ERCC4: variants seen among roughly 807,000 people sequenced by gnomAD.
ERCC4 encodes the protein ERCC excision repair 4, endonuclease catalytic subunit.
A neutral mutation model predicts 76.9 loss-of-function variants in ERCC4; 65 were observed. That is an observed-to-expected ratio of 0.84 (90% CI 0.69 to 1.04). The LOEUF is 1.04. ERCC4 is among the 50% of genes least tolerant of loss of function. The probability of loss-of-function intolerance (pLI) is 0.00; values close to 1 mark genes in which losing one functional copy is unlikely to be tolerated. For missense variants in ERCC4, 1,214 were observed against 1,128.2 expected, an observed-to-expected ratio of 1.08 and a Z score of -1.09; for synonymous variants, 463 against 410.1, an observed-to-expected ratio of 1.13 and a Z score of -1.56.
intron 3 of ERCC4, among the ~76,000 whole-genome samples, chr16:13,927,225 T>C (rs1296746688): frequency 2.0e-5 from 3 of 152,242 alleles, no homozygotes; most frequent in Non-Finnish European, 4.4e-5. Context: ...TTTTGCAACC[T>C]ATGCTACCAT....
Position 13,950,703 on chromosome 16 carries a change from TG to T in ERCC4, c.*2358del, listed in dbSNP as rs1301656465. The stretch of plus-strand genomic sequence containing the variant: ...TTCTAGCACTTCTGCTTGCAGTATG[TG>T]GTTTCTATTTTTTTCCTCTTGTATA... On this transcript the variant is annotated 3_prime_UTR_variant, in exon 11 of 11. Transcript: ENST00000311895. 5.2e-6 allele frequency: 1 copy of T among 193,704 alleles called. No individual in the cohort carries two copies. The highest frequency in any genetic ancestry group is 2.3e-5 in the African/African-American group (1 of 43,176). The allele number at this position is 193,704 out of a possible 1,614,324, so 12.0% of individuals were successfully genotyped here. A position where few individuals can be genotyped will look rare whatever the true frequency, so the allele number is the denominator to read the frequency against.
intron 10 of ERCC4, among the ~76,000 whole-genome samples, chr16:13,946,265 G>A (rs2032510882): frequency 6.6e-6 from 1 of 152,146 alleles, no homozygotes; most frequent in African/African-American, 2.4e-5. Flanking sequence ...GTGTCATTAG[G>A]CGATTTCATC....
At chr16:13,946,883 C>T (rs186461065) in intron 10 of ERCC4, among the ~76,000 whole-genome samples, 19 of 152,246 alleles carry the variant, frequency 1.2e-4, no homozygotes, top group East Asian at 9.6e-4. Flanking sequence ...GCCACAGCCT[C>T]CCGAGTAGCT....
rs1327038785 is a variant in ERCC4, at chr16:13,950,401, G to A, written c.*2054G>A. Reference sequence around the variant, plus strand: ...ATGAATTGAGGGGTATCAAGAACCAGATTGGTTACAGTAGAACTCTGTAAG... The same window carrying A: ...ATGAATTGAGGGGTATCAAGAACCAAATTGGTTACAGTAGAACTCTGTAAG... On this transcript the variant is annotated 3_prime_UTR_variant, in exon 11 of 11. Coordinates refer to ENST00000311895, the MANE Select transcript of ERCC4 (RefSeq NM_005236.3). 4 of 186,998 alleles carry A rather than the reference G, an allele frequency of 2.1e-5. No individual in the cohort carries two copies. The highest frequency in any genetic ancestry group is 1.9e-4 in the Admixed American group (3 of 16,114). 11.6% of individuals were successfully genotyped at this position (186,998 alleles called of 1,614,324 possible). A position where few individuals can be genotyped will look rare whatever the true frequency, so the allele number is the denominator to read the frequency against.
chr16:13,922,500 G>T (rs1384349247), intron 2 of ERCC4: 5 of 747,432 alleles, frequency 6.7e-6, no homozygotes, highest in Non-Finnish European at 1.2e-5. Context: ...GCACATAGGC[G>T]TCGAAGATGC....
chr16:13,923,608 C>G (rs3136066), intron 2 of ERCC4, among the ~76,000 whole-genome samples: 3,525 of 152,210 alleles, frequency 0.023, 56 homozygotes, highest in Non-Finnish European at 0.035. Context: ...ATGCTAACAC[C>G]CTGCTTACAA....
Position 13,934,232 on chromosome 16 carries a change from G to T in ERCC4, c.1143G>T (p.Trp381Cys). Residue 381 changes from tryptophan (W) to cysteine (C), a missense_variant, in exon 7 of 11, where the codon TGG becomes TGT. Transcript: ENST00000311895. ...TGGTCCTAGAAAGCAACCCAAAGTG[G>T]GAGGCACTGACTGAAGTATTAAAAG... ...KELVLESNPKWEALTEVLKEI... is the reference protein window; with the variant it reads ...KELVLESNPKCEALTEVLKEI... 6.2e-7 allele frequency: 1 copy of T among 1,613,182 alleles called. No individual in the cohort carries two copies. Among genetic ancestry groups the T allele is most frequent in the Middle Eastern group, 1.7e-4 (1 of 6,054 alleles).
intron 1 of ERCC4, among the ~76,000 whole-genome samples, chr16:13,921,057 A>G (rs1200065047): frequency 2.0e-5 from 3 of 152,144 alleles, no homozygotes; most frequent in Admixed American, 6.5e-5. Context: ...GAAGTTGGCC[A>G]TTAAGGGAGT....
At position 13,929,859 on chromosome 16, in the gene ERCC4, G is replaced by C. The variant is rs3136109; in HGVS notation, c.793-851G>C. On this transcript the variant is annotated intron_variant, in intron 4 of 10. Transcript: ENST00000311895. ...AACGCCTGTAGTCCCAGCTACTTGG[G>C]AGGCTGAGGCAGGATAATGGCACGA... 1.1e-3 allele frequency among the ~76,000 whole-genome samples: 175 copies of C among 152,302 alleles called. 1 individual carries two copies. The highest frequency in any genetic ancestry group is 4.0e-3 in the African/African-American group (165 of 41,570).
chr16:13,931,849 G>C lies in ERCC4; in HGVS notation c.974-308G>C, dbSNP rs1387964303. ...AACATTGCAAATATTAAAATAACTT[G>C]CTTTTACGCCATCACTGGAAATGTC... On this transcript the variant is annotated intron_variant, in intron 5 of 10. Transcript: ENST00000311895. 8 of 307,412 alleles carry C rather than the reference G, an allele frequency of 2.6e-5. No individual in the cohort carries two copies. In the South Asian group the frequency reaches 6.5e-4, roughly 25 times the overall value. The allele number at this position is 307,412 out of a possible 1,614,324, so 19.0% of individuals were successfully genotyped here. A position where few individuals can be genotyped will look rare whatever the true frequency, so the allele number is the denominator to read the frequency against.
chr16:13,941,113 G>A (rs2032404834), intron 9 of ERCC4, among the ~76,000 whole-genome samples: 1 of 152,170 alleles, frequency 6.6e-6, no homozygotes, highest in African/African-American at 2.4e-5. Context: ...AAAGGACTCA[G>A]TGACAAGATG....
chr16:13,935,687 A>C lies in ERCC4; in HGVS notation c.1755A>C (p.Leu585=). Residue 585 remains leucine, a synonymous_variant, in exon 8 of 11, where the codon CTA becomes CTC. Coordinates refer to ENST00000311895, the MANE Select transcript of ERCC4 (RefSeq NM_005236.3). ...PRYVVLYDAE[L]TFVRQLEIYR... ...ACGTGGTTCTTTATGACGCAGAGCT[A>C]ACCTTTGTTCGGCAGCTTGAAATTT... 6.2e-7 allele frequency: 1 copy of C among 1,614,192 alleles called. No individual in the cohort carries two copies. Among genetic ancestry groups the C allele is most frequent in the Non-Finnish European group, 8.5e-7 (1 of 1,180,032 alleles).
In ERCC4 at chr16:13,932,137, C is replaced by CT; in HGVS notation, c.974-16dup. 1 of 1,609,336 alleles carries CT rather than the reference C, an allele frequency of 6.2e-7. No individual in the cohort carries two copies. The highest frequency in any genetic ancestry group is 8.5e-7 in the Non-Finnish European group (1 of 1,176,116). ...TAACCATAAATTGATGGCACTTTTT[C>CT]TTTTAACTTTTCGTATTAGGTTGGC... On this transcript the variant is annotated intron_variant, in intron 5 of 10. Coordinates refer to ENST00000311895, the MANE Select transcript of ERCC4 (RefSeq NM_005236.3).
chr16:13,920,181 C>T lies in ERCC4; in HGVS notation c.16C>T (p.Pro6Ser), dbSNP rs61760160. 6.1e-4 allele frequency: 983 copies of T among 1,605,836 alleles called. No homozygotes were observed. Among genetic ancestry groups the T allele is most frequent in the Non-Finnish European group, 7.9e-4 (928 of 1,179,836 alleles). ...AAGAGCTTCCATGGAGTCAGGGCAG[C>T]CGGCTCGACGGATTGCCATGGCGCC... MESGQ[P>S]ARRIAMAPLL... The change falls in exon 1 of 11, where the codon CCG (proline) becomes TCG (serine). Residue 6 changes from proline to serine, a missense_variant. Transcript: ENST00000311895.
In ERCC4 at chr16:13,930,711, C is replaced by G; in HGVS notation, c.794C>G (p.Thr265Arg). 1 of 1,611,786 alleles carries G rather than the reference C, an allele frequency of 6.2e-7. No homozygotes were observed. Among genetic ancestry groups the G allele is most frequent in the Middle Eastern group, 1.7e-4 (1 of 6,058 alleles). The part of the protein sequence containing the change: ...ENAIGKPFDK[T>R]IRHYLDPLWH... The stretch of plus-strand genomic sequence containing the variant: ...TACCAAATTTTATTCTTGTTTTAGA[C>G]AATCCGCCATTATCTGGATCCTTTG... Residue 265 changes from threonine to arginine, a missense_variant and splice_region_variant, in exon 5 of 11, where the codon ACA (threonine) becomes AGA (arginine). Transcript: ENST00000311895.
chr16:13,932,025 T>A (rs566191343), intron 5 of ERCC4, 132 bp from the exon 6 acceptor site: 3 of 810,372 alleles, frequency 3.7e-6, no homozygotes, highest in Admixed American at 1.8e-5. Context: ...CAGATCACAG[T>A]AGTGGGAGGC....
rs141501292 is a variant in ERCC4 at position 13,937,741 on chromosome 16, C to A, written c.1812-25C>A. The A allele has an allele frequency of 1.7e-4, 260 of 1,515,180 alleles. No individual in the cohort carries two copies. In the African/African-American group the frequency reaches 3.1e-3, roughly 18 times the overall value. The allele number at this position is 1,515,180 out of a possible 1,614,324, so 93.9% of individuals were successfully genotyped here. ...GGATTAAAAATGCTGTTTTTCCAAC[C>A]TAAAAGTTCTGTCTTAACATGCAGG... On this transcript the variant is annotated intron_variant, in intron 8 of 10. Coordinates refer to ENST00000311895, the MANE Select transcript of ERCC4 (RefSeq NM_005236.3).
At chr16:13,932,627 G>A (rs2032195056) in intron 6 of ERCC4, 5 of 375,508 alleles carry the variant, frequency 1.3e-5, no homozygotes, top group Non-Finnish European at 2.4e-5. Context: ...GAGTCAGAAT[G>A]AGGTTGGGGC....
At chr16:13,923,438 A>G (rs2032016013) in intron 2 of ERCC4, among the ~76,000 whole-genome samples, 1 of 152,332 alleles carries the variant, frequency 6.6e-6, no homozygotes, top group African/African-American at 2.4e-5. Flanking sequence ...TTCCCACTGT[A>G]TCTGTCATGT....
Sources: allele counts gnomAD v4.1 joint callset (sites outside exome capture counted in the v4.1 genomes callset), GRCh38; gene constraint gnomAD v4.1.1; transcripts MANE v1.5; gene names NCBI Gene and HGNC (gene_info 2026-07-23, HGNC 2026-07-21).